The following MAP2K5 variants were observed in gnomAD, a reference collection of about 807,000 sequenced individuals.
MAP2K5 encodes mitogen-activated protein kinase kinase 5.
In MAP2K5, 49 loss-of-function variants were observed where a neutral mutation model predicts 83.1. The ratio of observed to expected loss-of-function variants is 0.59; its 90% CI spans 0.47 to 0.75. MAP2K5 has a LOEUF of 0.75. Among genes scored for constraint, MAP2K5 ranks in the 30% least tolerant of loss-of-function variants. The pLI, the probability that MAP2K5 is intolerant of heterozygous loss-of-function variation, is 0.00. For missense variants in MAP2K5, 457 were observed against 557.5 expected (o/e 0.82, Z 1.82); for synonymous variants, 202 against 191.8 (o/e 1.05, Z -0.44).
In MAP2K5 at chr15:67,806,833, G is replaced by T. The variant is rs773634695; in HGVS notation, c.*83G>T. ...TCGCCCTTCTCCGTATGCTGCCTGC[G>T]CCAGAAGAGCTTTGCTGGGCCCTGG... is the stretch of plus-strand genomic sequence containing the variant. On this transcript the variant is annotated 3_prime_UTR_variant, in exon 22 of 22. Transcript: ENST00000178640. 1.3e-6 allele frequency: 2 copies of T among 1,597,398 alleles called. No homozygotes were observed. Among genetic ancestry groups the T allele is most frequent in the South Asian group, 1.1e-5 (1 of 90,730 alleles).
rs1303678875 is a variant in MAP2K5 at position 67,790,472 on chromosome 15, A to T, written c.1243-16174A>T. Among the ~76,000 whole-genome samples the T allele has an allele frequency of 6.6e-6, 1 of 152,226 alleles. No homozygotes were observed. Among genetic ancestry groups the T allele is most frequent in the East Asian group, 1.9e-4 (1 of 5,198 alleles). ...TGTATTTGAAATGCTGTCTGAGGGC[A>T]CTGCCGTCTTGTCTGTAGGCTGTGC... On this transcript the variant is annotated intron_variant, in intron 21 of 21. Coordinates refer to ENST00000178640, the MANE Select transcript of MAP2K5 (RefSeq NM_145160.3). The surrounding 1 kb of genome is among the most constrained non-coding windows in gnomAD (Gnocchi z 4.6).
intron 19 of MAP2K5, among the ~76,000 whole-genome samples, chr15:67,765,380 A>G (rs2090022894): frequency 6.6e-6 from 1 of 152,160 alleles, no homozygotes; most frequent in South Asian, 2.1e-4. Context: ...TAAAAAGTAT[A>G]GTACAATATC....
At position 67,696,993 on chromosome 15, in the gene MAP2K5, A is replaced by G. The variant is rs536606829; in HGVS notation, c.972+3425A>G. On this transcript the variant is annotated intron_variant, in intron 15 of 21. Transcript: ENST00000178640. ...AAACTCAGTCTCAAAAAGAAAAAAG[A>G]AAAGAAAATGAGACTTACAGTGTAC... Among the ~76,000 whole-genome samples, 19 of 152,332 alleles carry G rather than the reference A, an allele frequency of 1.2e-4. No individual in the cohort carries two copies. In the South Asian group the frequency reaches 3.5e-3, roughly 28 times the overall value.
chr15:67,682,681 A>AT (rs2087848809), intron 13 of MAP2K5, among the ~76,000 whole-genome samples: 1 of 151,416 alleles, frequency 6.6e-6, no homozygotes, highest in South Asian at 2.1e-4. Flanking sequence ...AAAATACAAA[A>AT]AATTAGCCGG....
At chr15:67,709,241 T>C (rs987386284) in intron 16 of MAP2K5, among the ~76,000 whole-genome samples, 9 of 152,208 alleles carry the variant, frequency 5.9e-5, no homozygotes, top group Non-Finnish European at 1.0e-4. Flanking sequence ...CGTGTGGAAC[T>C]GTAGTTCTTT....
rs111468310 is a variant in MAP2K5, at chr15:67,637,910, A to ATGTG, written c.585+6990_585+6993dup. Among the ~76,000 whole-genome samples the ATGTG allele has an allele frequency of 0.8, 120,248 of 150,496 alleles. 48,185 individuals carry two copies. The highest frequency in any genetic ancestry group is 0.86 in the Middle Eastern group (250 of 292). On this transcript the variant is annotated intron_variant, in intron 9 of 21. Transcript: ENST00000178640. This position sits in a 1 kb window ranked among gnomAD's most constrained non-coding sequence, Gnocchi z 4.5. ...ATGTCCAATGTCTGGAAGCCTGTTG[A>ATGTG]TGTGTGTGTGAGTGTGTGTGTATGT...
chr15:67,638,183 A>G lies in MAP2K5; in HGVS notation c.585+7256A>G, dbSNP rs938478791. 6.6e-6 allele frequency among the ~76,000 whole-genome samples: 1 copy of G among 152,084 alleles called. No homozygotes were observed. Among genetic ancestry groups the G allele is most frequent in the Non-Finnish European group, 1.5e-5 (1 of 68,022 alleles). On this transcript the variant is annotated intron_variant, in intron 9 of 21. Transcript: ENST00000178640. The surrounding 1 kb of genome is among the most constrained non-coding windows in gnomAD (Gnocchi z 4.5). ...ATTTTGTCACCCAGGTATTAAGCCTAGTACCTATTAGTTATTTTTCCTGAT... is the reference window on the plus strand; with the variant it reads ...ATTTTGTCACCCAGGTATTAAGCCTGGTACCTATTAGTTATTTTTCCTGAT...
In MAP2K5 at chr15:67,749,827, C is replaced by T. The variant is rs1194145800; in HGVS notation, c.1134+1226C>T. ...AAAGCCTACTATCCCCATCAGAATCCTCCCAATTTAACTGGTTTTCCTGAG... is the reference window on the plus strand; with the variant it reads ...AAAGCCTACTATCCCCATCAGAATCTTCCCAATTTAACTGGTTTTCCTGAG... On this transcript the variant is annotated intron_variant, in intron 19 of 21. Transcript: ENST00000178640. This position sits in a 1 kb window ranked among gnomAD's most constrained non-coding sequence, Gnocchi z 4.6. 1.3e-5 allele frequency among the ~76,000 whole-genome samples: 2 copies of T among 152,204 alleles called. No homozygotes were observed. The highest frequency in any genetic ancestry group is 2.9e-5 in the Non-Finnish European group (2 of 68,030).
chr15:67,739,602 G>A lies in MAP2K5; in HGVS notation c.1075-8629G>A, dbSNP rs549302369. Among the ~76,000 whole-genome samples the A allele has an allele frequency of 1.7e-4, 25 of 146,830 alleles. No homozygotes were observed. In the East Asian group the frequency reaches 4.8e-3, roughly 28 times the overall value. Reference sequence around the variant, plus strand: ...TTGAAGCAATTCTCCTGCCTCAGCCGCCCTAGTAGCTGGGATTGCAGGCAT... The same window carrying A: ...TTGAAGCAATTCTCCTGCCTCAGCCACCCTAGTAGCTGGGATTGCAGGCAT... On this transcript the variant is annotated intron_variant, in intron 17 of 21. Transcript: ENST00000178640.
At chr15:67,704,342 G>A (rs1371820507) in intron 16 of MAP2K5, among the ~76,000 whole-genome samples, 1 of 152,166 alleles carries the variant, frequency 6.6e-6, no homozygotes, top group Non-Finnish European at 1.5e-5. Context: ...CTCCTGCCTG[G>A]ACTTCCCAAA....
Position 67,600,710 on chromosome 15 carries a change from G to A in MAP2K5, c.506G>A (p.Arg169Gln), listed in dbSNP as rs776152945. The A allele has an allele frequency of 2.7e-5, 44 of 1,608,614 alleles. No individual in the cohort carries two copies. Among genetic ancestry groups the A allele is most frequent in the African/African-American group, 5.4e-5 (4 of 73,996 alleles). The change falls in exon 8 of 22, where the codon CGG becomes CAG. Residue 169 changes from arginine (R) to glutamine (Q), a missense_variant. By Grantham distance (43) the Arg-to-Gln change is conservative. Transcript: ENST00000178640. ...GQMNEQDIRY[R>Q]DTLGHGNGGT... The stretch of plus-strand genomic sequence containing the variant: ...ATGAATGAACAAGACATACGATATC[G>A]GGACACTCTTGGTCATGGCAACGGA...
rs761095927 is a variant in MAP2K5 at position 67,727,902 on chromosome 15, A to G, written c.1045-14A>G. 7 of 1,606,726 alleles carry G rather than the reference A, an allele frequency of 4.4e-6. No homozygotes were observed. The highest frequency in any genetic ancestry group is 5.1e-6 in the Non-Finnish European group (6 of 1,173,378). ...GCAAATCTATAACTAGACAAATATT[A>G]TTTCCTTTCCCAGCTTGCTCTTGGG... is the stretch of plus-strand genomic sequence containing the variant. On this transcript the variant is annotated splice_polypyrimidine_tract_variant and intron_variant, in intron 16 of 21. Coordinates refer to ENST00000178640, the MANE Select transcript of MAP2K5 (RefSeq NM_145160.3).
At chr15:67,689,806 G>A (rs1022201413) in intron 13 of MAP2K5, among the ~76,000 whole-genome samples, 22 of 152,114 alleles carry the variant, frequency 1.4e-4, no homozygotes, top group African/African-American at 4.8e-4. Context: ...GCTGCTTTTA[G>A]CATACCTCTT....
At chr15:67,589,781 G>GTA (rs1024819679) in intron 6 of MAP2K5, among the ~76,000 whole-genome samples, 1,177 of 42,102 alleles carry the variant, frequency 0.028, 23 homozygotes, top group African/African-American at 0.063. Flanking sequence ...GTGTGTGTGT[G>GTA]TATGTGTGTG....
rs2084767269 is a variant in MAP2K5 at position 67,562,966 on chromosome 15, C to T, written c.185-317C>T. Among the ~76,000 whole-genome samples the T allele has an allele frequency of 6.6e-6, 1 of 151,956 alleles. No individual in the cohort carries two copies. Among genetic ancestry groups the T allele is most frequent in the Non-Finnish European group, 1.5e-5 (1 of 67,986 alleles). ...AGTGTGGATAGTAGAACAAGACTGGCCTCTCGTTGGTTTTTAGTTCCGCTA... is the reference window on the plus strand; with the variant it reads ...AGTGTGGATAGTAGAACAAGACTGGTCTCTCGTTGGTTTTTAGTTCCGCTA... On this transcript the variant is annotated intron_variant, in intron 2 of 21. Transcript: ENST00000178640. This position sits in a 1 kb window ranked among gnomAD's most constrained non-coding sequence, Gnocchi z 4.1.
At chr15:67,575,918 T>TTCTTTCTTTCTTTCTTTCTTTC (rs1555527938) in intron 3 of MAP2K5, among the ~76,000 whole-genome samples, 1 of 128,448 alleles carries the variant, frequency 7.8e-6, no homozygotes, top group East Asian at 2.2e-4. Context: ...CTTTCTTTCT[T>TTCTTTCTTTCTTTCTTTCTTTC]TTTTTTTTTT....
chr15:67,691,001 C>T (rs2088099308), intron 13 of MAP2K5, among the ~76,000 whole-genome samples: 1 of 152,208 alleles, frequency 6.6e-6, no homozygotes, highest in African/African-American at 2.4e-5. Flanking sequence ...CCTGCCTGTG[C>T]ATACCAACTT....
chr15:67,596,447 T>G (rs1285509382), intron 7 of MAP2K5, among the ~76,000 whole-genome samples: 1 of 152,118 alleles, frequency 6.6e-6, no homozygotes, highest in African/African-American at 2.4e-5. Flanking sequence ...AAAACCTTTT[T>G]GTATATAGAA....
chr15:67,649,216 G>A (rs1021247493), intron 11 of MAP2K5, among the ~76,000 whole-genome samples: 7 of 152,130 alleles, frequency 4.6e-5, no homozygotes, highest in Non-Finnish European at 8.8e-5. Context: ...CAAATCCTTT[G>A]TCTATTTTTT....
Sources: allele counts gnomAD v4.1 joint callset (sites outside exome capture counted in the v4.1 genomes callset), GRCh38; gene constraint gnomAD v4.1.1; non-coding constraint Gnocchi (gnomAD v3.1); transcripts MANE v1.5; gene names NCBI Gene and HGNC (gene_info 2026-07-23, HGNC 2026-07-21).